Variants in GIGYF2 observed in about 807,000 individuals in gnomAD.
The protein encoded by GIGYF2 is GRB10 interacting GYF protein 2, also known as GRB10-interacting GYF protein 2.
Under a neutral mutation model 208.1 loss-of-function variants are expected in GIGYF2, and 25 were observed. The observed-to-expected ratio is 0.12, with a 90% CI of 0.09 to 0.17. The LOEUF (loss-of-function observed/expected upper bound fraction) is 0.17, where lower values mean the gene tolerates loss of function less well. Ranked by LOEUF, GIGYF2 falls within the 10% of genes least tolerant of loss-of-function variation. The pLI, the probability that GIGYF2 is intolerant of heterozygous loss-of-function variation, is 1.00. For synonymous variants in GIGYF2, 534 were observed against 543.8 expected, an observed-to-expected ratio of 0.98 and a Z score of 0.25; for missense variants, 1,302 against 1,579.4, an observed-to-expected ratio of 0.82 and a Z score of 2.98.
chr2:232,797,415 A>G (rs1700255065), intron 14 of GIGYF2, among the ~76,000 whole-genome samples: 1 of 151,564 alleles, frequency 6.6e-6, no homozygotes, highest in African/African-American at 2.4e-5. Flanking sequence ...TCTCCTTCAC[A>G]GCATTTATTA....
chr2:232,747,529 T>C, intron 3 of GIGYF2, 86 bp from the exon 4 acceptor site: 1 of 1,444,762 alleles, frequency 6.9e-7, no homozygotes, highest in Non-Finnish European at 9.7e-7. Flanking sequence ...TCTAAAGAAC[T>C]AAAATGAATT....
intron 2 of GIGYF2, among the ~76,000 whole-genome samples, chr2:232,710,175 G>A (rs1382504520): frequency 6.6e-6 from 1 of 151,756 alleles, no homozygotes; most frequent in African/African-American, 2.4e-5. Context: ...TAGCCAGGAT[G>A]GTCTCGATCT....
At chr2:232,831,164 G>T (rs1020935521) in intron 21 of GIGYF2, among the ~76,000 whole-genome samples, 1 of 152,130 alleles carries the variant, frequency 6.6e-6, no homozygotes, top group Admixed American at 6.5e-5. Flanking sequence ...GTATTTGCCA[G>T]GTTTCTCCAC....
chr2:232,738,212 C>T (rs1007483504), intron 3 of GIGYF2, among the ~76,000 whole-genome samples: 13 of 152,018 alleles, frequency 8.6e-5, no homozygotes, highest in South Asian at 6.2e-4. Context: ...CCACTGCGCC[C>T]GGCCAAGGCT....
intron 2 of GIGYF2, among the ~76,000 whole-genome samples, chr2:232,716,981 GT>G (rs57977288): frequency 8.2e-4 from 114 of 139,734 alleles, no homozygotes; most frequent in Middle Eastern, 3.8e-3. Flanking sequence ...AATTTTTGTT[GT>G]TTTTTTTTTT....
chr2:232,844,296 T>G, intron 24 of GIGYF2, 41 bp downstream of exon 24: 1 of 1,612,228 alleles, frequency 6.2e-7, no homozygotes, highest in South Asian at 1.1e-5. Context: ...TGGACTAGTA[T>G]TATCTTTTCT....
rs150260431 is a variant in GIGYF2 at position 232,752,671 on chromosome 2, G to T, written c.268-3552G>T. On this transcript the variant is annotated intron_variant, in intron 5 of 28. Transcript: ENST00000373563. The stretch of plus-strand genomic sequence containing the variant: ...TTCTCCTGCCTCAGCCTCCCGAGTA[G>T]CTGGGACTATAGGTGCCCACCACTG... 2.1e-3 allele frequency among the ~76,000 whole-genome samples: 319 copies of T among 152,064 alleles called. 1 individual carries two copies. Among genetic ancestry groups the T allele is most frequent in the African/African-American group, 7.4e-3 (307 of 41,482 alleles).
intron 27 of GIGYF2, among the ~76,000 whole-genome samples, chr2:232,849,407 G>A (rs1054165894): frequency 2.0e-5 from 3 of 151,990 alleles, no homozygotes; most frequent in Non-Finnish European, 4.4e-5. Context: ...CTCATGATCC[G>A]CCCTCCTCAG....
At chr2:232,845,705 TA>T in intron 25 of GIGYF2, 26 bp from the exon 26 acceptor site, 1 of 1,561,538 alleles carries the variant, frequency 6.4e-7, no homozygotes. Flanking sequence ...TCTGGGAATA[TA>T]ATATCACCCT....
chr2:232,855,603 A>G (rs889985495), intron 28 of GIGYF2, among the ~76,000 whole-genome samples: 14 of 152,194 alleles, frequency 9.2e-5, no homozygotes, highest in Admixed American at 3.3e-4. Context: ...TGTGTCTTCC[A>G]TGGAGCCTCT....
chr2:232,736,818 A>G (rs544527448), intron 3 of GIGYF2, among the ~76,000 whole-genome samples: 2 of 152,204 alleles, frequency 1.3e-5, no homozygotes, highest in Non-Finnish European at 2.9e-5. Flanking sequence ...TTTCTTTATA[A>G]AAACATGGTT....
At chr2:232,792,887 A>G (rs891418060) in intron 12 of GIGYF2, among the ~76,000 whole-genome samples, 3 of 152,224 alleles carry the variant, frequency 2.0e-5, no homozygotes, top group Non-Finnish European at 4.4e-5. Context: ...ATAGATGTAC[A>G]TTAAAGGTCG....
At chr2:232,776,677 G>A in intron 8 of GIGYF2, 1 of 547,164 alleles carries the variant, frequency 1.8e-6, no homozygotes. Context: ...CTGATCATGT[G>A]GAAAAGAATG....
At chr2:232,784,045 T>A (rs771336987) in intron 8 of GIGYF2, among the ~76,000 whole-genome samples, 7 of 152,162 alleles carry the variant, frequency 4.6e-5, no homozygotes, top group Non-Finnish European at 7.3e-5. Flanking sequence ...CCAGTAACAA[T>A]TACATACAAG....
At chr2:232,739,153 G>T (rs563840709) in intron 3 of GIGYF2, among the ~76,000 whole-genome samples, 2 of 152,026 alleles carry the variant, frequency 1.3e-5, no homozygotes, top group African/African-American at 4.8e-5. Flanking sequence ...GAGGTCAGGA[G>T]TTTGAGACCA....
intron 2 of GIGYF2, among the ~76,000 whole-genome samples, chr2:232,733,692 A>C (rs1224500610): frequency 2.0e-5 from 3 of 152,168 alleles, no homozygotes; most frequent in Non-Finnish European, 2.9e-5. Flanking sequence ...TTGGATGCTC[A>C]AGTCCCTAAT....
At chr2:232,854,254 A>G (rs1690466348) in intron 28 of GIGYF2, among the ~76,000 whole-genome samples, 1 of 152,220 alleles carries the variant, frequency 6.6e-6, no homozygotes, top group Admixed American at 6.5e-5. Flanking sequence ...GCACTTTGGG[A>G]GGCCAGCGTG....
chr2:232,755,431 G>A (rs1309463345), intron 5 of GIGYF2, among the ~76,000 whole-genome samples: 2 of 152,152 alleles, frequency 1.3e-5, no homozygotes, highest in Non-Finnish European at 2.9e-5. Context: ...GCCTCCCAAA[G>A]TGCTGGGATT....
At chr2:232,762,235 T>TG (rs1698770219) in intron 8 of GIGYF2, among the ~76,000 whole-genome samples, 2 of 116,394 alleles carry the variant, frequency 1.7e-5, no homozygotes, top group African/African-American at 3.3e-5. Flanking sequence ...TCTTTTTTTT[T>TG]TTGTTTTTTT....
Sources: gnomAD v4.1 joint callset for allele counts (sites outside exome capture counted in the v4.1 genomes callset) on GRCh38, gnomAD v4.1.1 for gene constraint, MANE v1.5 for transcripts, NCBI Gene and HGNC (gene_info 2026-07-23, HGNC 2026-07-21) for gene names.